Variants in VSX2 observed in about 807,000 individuals in gnomAD.
VSX2 encodes the protein visual system homeobox 2.
In VSX2, 28 loss-of-function variants were observed where a neutral mutation model predicts 32.1. The observed-to-expected ratio is 0.87, with a 90% CI of 0.65 to 1.20. The LOEUF (loss-of-function observed/expected upper bound fraction) is 1.20, where lower values mean the gene tolerates loss of function less well. Ranked by LOEUF, VSX2 falls within the 50% of genes most tolerant of loss-of-function variation. The pLI is 0.00. For synonymous variants in VSX2, 243 were observed against 214.1 expected (o/e 1.14, Z -1.18); for missense variants, 506 against 488.7 (o/e 1.04, Z -0.33).
chr14:74,258,897 A>G (rs987705889), intron 3 of VSX2, among the ~76,000 whole-genome samples: 1 of 152,142 alleles, frequency 6.6e-6, no homozygotes, highest in Non-Finnish European at 1.5e-5. Flanking sequence ...GGAGAATGTT[A>G]TCTTCATCCC....
At chr14:74,247,289 T>C (rs772415268) in intron 3 of VSX2, among the ~76,000 whole-genome samples, 3 of 152,184 alleles carry the variant, frequency 2.0e-5, no homozygotes, top group Non-Finnish European at 4.4e-5. Context: ...GAGTTCACGA[T>C]GTACACAGGA....
chr14:74,247,483 C>T (rs1015237641), intron 3 of VSX2, among the ~76,000 whole-genome samples: 2 of 152,182 alleles, frequency 1.3e-5, no homozygotes, highest in African/African-American at 4.8e-5. Context: ...GTGCCTGGCA[C>T]GTGCCCCCAG....
chr14:74,256,776 C>T (rs2079266063), intron 3 of VSX2, among the ~76,000 whole-genome samples: 1 of 149,686 alleles, frequency 6.7e-6, no homozygotes, highest in African/African-American at 2.5e-5. Context: ...CAGGTTCAAG[C>T]GATTCTTCTG....
chr14:74,257,066 G>C (rs181351353), intron 3 of VSX2, among the ~76,000 whole-genome samples: 2 of 152,270 alleles, frequency 1.3e-5, no homozygotes, highest in East Asian at 3.9e-4. Flanking sequence ...AGGGGAGGAT[G>C]ATGGGGCAGG....
chr14:74,239,906 G>T lies in VSX2; in HGVS notation c.345G>T (p.Leu115=). 3 of 1,570,640 alleles carry T rather than the reference G, an allele frequency of 1.9e-6. No homozygotes were observed. Among genetic ancestry groups the T allele is most frequent in the Non-Finnish European group, 2.6e-6 (3 of 1,158,846 alleles). ...LQPLGRASGP[L]DTSQTASSDS... ...CATTGGGCAGAGCATCGGGGCCGCT[G>T]GACACCAGCCAGACGGCCAGCTCGG... Residue 115 remains leucine (L), a synonymous_variant, in exon 1 of 5, where the codon CTG becomes CTT. Coordinates refer to ENST00000261980, the MANE Select transcript of VSX2 (RefSeq NM_182894.3).
At chr14:74,242,813 C>G (rs917070754) in intron 2 of VSX2, among the ~76,000 whole-genome samples, 5 of 152,014 alleles carry the variant, frequency 3.3e-5, no homozygotes, top group African/African-American at 1.2e-4. Flanking sequence ...GGGAGGGGTT[C>G]CCACAGCATG....
intron 2 of VSX2, among the ~76,000 whole-genome samples, chr14:74,244,948 G>GAGAGAGAA (rs2079178978): frequency 1.2e-4 from 5 of 42,688 alleles, no homozygotes; most frequent in Admixed American, 6.8e-4. Context: ...GAGAGAAAGT[G>GAGAGAGAA]TGTGTGTGTG....
intron 3 of VSX2, among the ~76,000 whole-genome samples, chr14:74,257,332 G>A (rs1412715105): frequency 6.6e-6 from 1 of 152,254 alleles, no homozygotes; most frequent in Non-Finnish European, 1.5e-5. Flanking sequence ...ACCAGGCAGA[G>A]GCCTTGCACC....
intron 2 of VSX2, among the ~76,000 whole-genome samples, chr14:74,243,731 C>T (rs548625511): frequency 4.0e-5 from 6 of 150,794 alleles, no homozygotes; most frequent in South Asian, 2.1e-4. Context: ...ATAGGAGAAA[C>T]GATTTAGAAT....
intron 3 of VSX2, among the ~76,000 whole-genome samples, chr14:74,256,018 A>C (rs1417668993): frequency 6.6e-6 from 1 of 152,216 alleles, no homozygotes; most frequent in African/African-American, 2.4e-5. Context: ...TTTATGCATC[A>C]CATCTTTTTT....
intron 2 of VSX2, among the ~76,000 whole-genome samples, chr14:74,243,901 C>T (rs2079167628): frequency 6.6e-6 from 1 of 152,030 alleles, no homozygotes; most frequent in Non-Finnish European, 1.5e-5. Context: ...GATTCTACAC[C>T]CCTGTGCTGG....
intron 2 of VSX2, among the ~76,000 whole-genome samples, chr14:74,242,186 C>T (rs1312422193): frequency 6.6e-6 from 1 of 151,986 alleles, no homozygotes. Flanking sequence ...GGGTGCTGCT[C>T]GCAGGTGCTG....
intron 3 of VSX2, among the ~76,000 whole-genome samples, chr14:74,252,576 A>G (rs1485108719): frequency 6.6e-6 from 1 of 151,754 alleles, no homozygotes; most frequent in South Asian, 2.1e-4. Context: ...TTTTTAGTAG[A>G]GACGGGGTTC....
intron 3 of VSX2, among the ~76,000 whole-genome samples, chr14:74,258,315 C>T (rs187373763): frequency 8.7e-4 from 132 of 152,276 alleles, no homozygotes; most frequent in Non-Finnish European, 1.6e-3. Flanking sequence ...CAGGGCTGCC[C>T]CTGGGGGTGA....
intron 3 of VSX2, among the ~76,000 whole-genome samples, chr14:74,248,624 G>C (rs1030089520): frequency 1.1e-4 from 17 of 151,816 alleles, no homozygotes; most frequent in Non-Finnish European, 1.9e-4. Flanking sequence ...CCAAGAGGTA[G>C]AGGCTACAGT....
intron 2 of VSX2, among the ~76,000 whole-genome samples, chr14:74,241,792 G>A (rs1190222578): frequency 6.6e-6 from 1 of 152,146 alleles, no homozygotes; most frequent in African/African-American, 2.4e-5. Context: ...TTTGGCTTCT[G>A]CTCATTCGTG....
In VSX2 at chr14:74,261,824, T is replaced by C. The variant is rs1232952228; in HGVS notation, c.*905T>C. ...AATCTCGACTCTCGTGATATGCTGC[T>C]TGTGACCTTGACTTGCCATGAAGGC... On this transcript the variant is annotated 3_prime_UTR_variant, in exon 5 of 5. Coordinates refer to ENST00000261980, the MANE Select transcript of VSX2 (RefSeq NM_182894.3). The C allele has an allele frequency of 1.3e-5, 2 of 152,532 alleles. No homozygotes were observed. The highest frequency in any genetic ancestry group is 1.3e-4 in the Admixed American group (2 of 15,274). 9.4% of individuals were successfully genotyped at this position (152,532 alleles called of 1,614,324 possible). A position where few individuals can be genotyped will look rare whatever the true frequency, so the allele number is the denominator to read the frequency against.
At chr14:74,244,917 T>TGAGAGAGAGAGAAAGAGAGAGAGAAA (rs1157174143) in intron 2 of VSX2, among the ~76,000 whole-genome samples, 13 of 52,050 alleles carry the variant, frequency 2.5e-4, no homozygotes, top group African/African-American at 4.6e-4. Flanking sequence ...TGTGTGTGTG[T>TGAGAGAGAGAGAAAGAGAGAGAGAAA]GTGTGTGTGT....
chr14:74,251,552 C>T (rs1706620897), intron 3 of VSX2, among the ~76,000 whole-genome samples: 1 of 152,192 alleles, frequency 6.6e-6, no homozygotes, highest in Non-Finnish European at 1.5e-5. Flanking sequence ...TGAATGTAAA[C>T]ACACTGGGTT....
Sources: allele counts gnomAD v4.1 joint callset (sites outside exome capture counted in the v4.1 genomes callset), GRCh38; gene constraint gnomAD v4.1.1; transcripts MANE v1.5; gene names NCBI Gene and HGNC (gene_info 2026-07-23, HGNC 2026-07-21).